The following COG6 variants were observed in gnomAD, a reference collection of about 807,000 sequenced individuals.
The protein encoded by COG6 is conserved oligomeric Golgi complex subunit 6.
A neutral mutation model predicts 88.8 loss-of-function variants in COG6; 74 were observed. The observed-to-expected ratio is 0.83, with a 90% CI of 0.69 to 1.01. The LOEUF is 1.01. Ranked by LOEUF, COG6 falls within the 50% of genes least tolerant of loss-of-function variation. COG6 has a pLI of 0.00. For synonymous variants in COG6, 286 were observed against 278.7 expected (o/e 1.03, Z -0.26); for missense variants, 800 against 797.9 (o/e 1.00, Z -0.03).
intron 18 of COG6, among the ~76,000 whole-genome samples, chr13:39,744,758 G>A (rs1375971267): frequency 6.6e-6 from 1 of 152,070 alleles, no homozygotes; most frequent in Non-Finnish European, 1.5e-5. Context: ...CTACTTTAAA[G>A]TTCATATGGA....
At chr13:39,678,093 G>T (rs1005247410) in intron 5 of COG6, 4 of 445,148 alleles carry the variant, frequency 9.0e-6, no homozygotes, top group African/African-American at 2.0e-5. Context: ...TTGAGACAGG[G>T]TCTCGCTCTG....
chr13:39,779,243 C>T (rs1357711665), intron 18 of COG6, among the ~76,000 whole-genome samples: 1 of 90,104 alleles, frequency 1.1e-5, no homozygotes, highest in Non-Finnish European at 2.6e-5. Flanking sequence ...ATGGTAAGTG[C>T]TTTCAGTAAG....
At chr13:39,683,298 GT>G (rs1398432950) in intron 8 of COG6, among the ~76,000 whole-genome samples, 1 of 152,180 alleles carries the variant, frequency 6.6e-6, no homozygotes, top group African/African-American at 2.4e-5. Flanking sequence ...AAGTATTCTG[GT>G]GTAGGGGAAA....
In COG6 at chr13:39,679,302, C is replaced by CTATG. The variant is rs1361866803; in HGVS notation, c.541-235_541-234insATGT. 10 of 489,008 alleles carry CTATG rather than the reference C, an allele frequency of 2.0e-5. No individual in the cohort carries two copies. The Admixed American group carries it at 3.2e-4, about 16-fold the overall frequency. The allele number at this position is 489,008 out of a possible 1,614,324, so 30.3% of individuals were successfully genotyped here. On this transcript the variant is annotated intron_variant, in intron 5 of 18. Coordinates refer to ENST00000455146, the MANE Select transcript of COG6 (RefSeq NM_020751.3). ...TTTATAAATTTTATTTTCCTGGCAA[C>CTATG]TGTCAACACTATTTGGCACATAGTA...
In COG6 at chr13:39,773,944, T is replaced by C. The variant is rs1881390685; in HGVS notation, c.1827-14391T>C. Among the ~76,000 whole-genome samples, 4 of 150,962 alleles carry C rather than the reference T, an allele frequency of 2.6e-5. No homozygotes were observed. The South Asian group carries it at 8.4e-4, about 32-fold the overall frequency. On this transcript the variant is annotated intron_variant, in intron 18 of 18. Coordinates refer to the COG6 transcript ENST00000416691. ...CCTAGAAATTAATCATACAAGGGAA[T>C]GTGAAGGTTGGCAGACGTTTGGTTA...
chr13:39,747,693 T>C (rs939955770), intron 18 of COG6, among the ~76,000 whole-genome samples: 1 of 152,208 alleles, frequency 6.6e-6, no homozygotes, highest in African/African-American at 2.4e-5. Context: ...TGCTTTATTT[T>C]ATCTATTGCA....
chr13:39,771,832 C>G (rs766821660), intron 18 of COG6, among the ~76,000 whole-genome samples: 1 of 152,248 alleles, frequency 6.6e-6, no homozygotes, highest in Non-Finnish European at 1.5e-5. Flanking sequence ...TTTATCCATT[C>G]AACACCTTTT....
chr13:39,787,376 G>A (rs540461162), intron 18 of COG6, among the ~76,000 whole-genome samples: 15 of 152,274 alleles, frequency 9.9e-5, no homozygotes, highest in Non-Finnish European at 1.5e-4. Context: ...AGTGATGTGT[G>A]TGTGCGTGTG....
At chr13:39,782,340 G>A (rs1055984609) in intron 18 of COG6, among the ~76,000 whole-genome samples, 5 of 152,220 alleles carry the variant, frequency 3.3e-5, no homozygotes, top group African/African-American at 7.2e-5. Context: ...ACAACAGGTA[G>A]CTTAAGATAA....
chr13:39,662,616 A>G (rs927050754), intron 3 of COG6, among the ~76,000 whole-genome samples: 1 of 152,226 alleles, frequency 6.6e-6, no homozygotes, highest in Non-Finnish European at 1.5e-5. Context: ...AACAACAACT[A>G]TAATCAAGAT....
chr13:39,763,394 A>G (rs1881081847), intron 18 of COG6, among the ~76,000 whole-genome samples: 1 of 151,804 alleles, frequency 6.6e-6, no homozygotes, highest in South Asian at 2.1e-4. Context: ...TAGAAATGGT[A>G]ATTGCGGTCA....
At chr13:39,745,636 G>T (rs548975976) in intron 18 of COG6, among the ~76,000 whole-genome samples, 290 of 152,290 alleles carry the variant, frequency 1.9e-3, no homozygotes, top group Non-Finnish European at 3.3e-3. Context: ...TTTCACTGTT[G>T]GTGGGAGTGT....
In COG6 at chr13:39,679,618, A is replaced by T. The variant is rs1383867036; in HGVS notation, c.621A>T (p.Ala207=). 10 of 1,582,814 alleles carry T rather than the reference A, an allele frequency of 6.3e-6. No individual in the cohort carries two copies. The highest frequency in any genetic ancestry group is 8.7e-6 in the Non-Finnish European group (10 of 1,151,678). Reference sequence around the variant, plus strand: ...TCTTGCGTACAAATCAACAAACGGCAGGGTGAGTAACTGCTCACTGAACTA... The same window carrying T: ...TCTTGCGTACAAATCAACAAACGGCTGGGTGAGTAACTGCTCACTGAACTA... The part of the protein sequence containing the change: ...KVLLRTNQQT[A]GLEIMEQMAL... The change falls in exon 6 of 19, where the codon GCA becomes GCT. Residue 207 remains alanine, a splice_region_variant and synonymous_variant. Transcript: ENST00000455146.
intron 18 of COG6, among the ~76,000 whole-genome samples, chr13:39,779,205 G>A (rs1390290070): frequency 6.6e-6 from 1 of 151,992 alleles, no homozygotes; most frequent in East Asian, 1.9e-4. Context: ...ATAAATCAAT[G>A]TAAAGAGCTT....
chr13:39,755,192 A>G (rs984728595), downstream of COG6, among the ~76,000 whole-genome samples: 5 of 151,934 alleles, frequency 3.3e-5, no homozygotes, highest in African/African-American at 9.7e-5. Context: ...AAAAAAAGAG[A>G]AAAAAAAGCC....
intron 18 of COG6, among the ~76,000 whole-genome samples, chr13:39,770,059 C>T (rs552959796): frequency 6.6e-6 from 1 of 152,352 alleles, no homozygotes; most frequent in East Asian, 1.9e-4. Context: ...TAGTACCACA[C>T]ACAATTTAAA....
At chr13:39,704,803 A>G (rs2138044838) in intron 13 of COG6, among the ~76,000 whole-genome samples, 1 of 152,304 alleles carries the variant, frequency 6.6e-6, no homozygotes, top group Non-Finnish European at 1.5e-5. Context: ...AGTTTATAGC[A>G]GTGAATGGGC....
chr13:39,719,969 A>G lies in COG6; in HGVS notation c.1584+142A>G. ...TCATCTGATGAAAGGACACACATGCATATACACAACACACGCACATACACA... is the reference window on the plus strand; with the variant it reads ...TCATCTGATGAAAGGACACACATGCGTATACACAACACACGCACATACACA... On this transcript the variant is annotated intron_variant, in intron 15 of 18. Transcript: ENST00000455146. 20 of 641,304 alleles carry G rather than the reference A, an allele frequency of 3.1e-5. No individual in the cohort carries two copies. The South Asian group carries it at 3.3e-4, about 11-fold the overall frequency. The allele number at this position is 641,304 out of a possible 1,614,324, so 39.7% of individuals were successfully genotyped here. A position where few individuals can be genotyped will look rare whatever the true frequency, so the allele number is the denominator to read the frequency against.
downstream of COG6, among the ~76,000 whole-genome samples, chr13:39,753,328 T>A (rs1880728679): frequency 6.6e-6 from 1 of 152,192 alleles, no homozygotes; most frequent in Non-Finnish European, 1.5e-5. Flanking sequence ...ACACCAAATC[T>A]TTTGGTGCCT....
Sources: gnomAD v4.1 joint callset for allele counts (sites outside exome capture counted in the v4.1 genomes callset) on GRCh38, gnomAD v4.1.1 for gene constraint, MANE v1.5 for transcripts, NCBI Gene and HGNC (gene_info 2026-07-23, HGNC 2026-07-21) for gene names.